Variants in FBH1 observed in about 807,000 individuals in gnomAD.
FBH1 encodes the protein F-box DNA helicase 1.
FBH1 carries 43 observed loss-of-function variants against 115.5 expected under a neutral mutation model. The ratio of observed to expected loss-of-function variants is 0.37; its 90% CI spans 0.29 to 0.48. The LOEUF (loss-of-function observed/expected upper bound fraction) is 0.48. Ranked by LOEUF, FBH1 falls within the 20% of genes least tolerant of loss-of-function variation. The pLI is 0.99. For synonymous variants in FBH1, 524 were observed against 507.8 expected (o/e 1.03, Z -0.43); for missense variants, 1,001 against 1,337.3 (o/e 0.75, Z 3.92).
rs752348124 is a variant in FBH1 at position 5,915,455 on chromosome 10, C to G, written c.1449C>G (p.Ser483Arg). 6.2e-7 allele frequency: 1 copy of G among 1,614,174 alleles called. No homozygotes were observed. Among genetic ancestry groups the G allele is most frequent in the South Asian group, 1.1e-5 (1 of 91,084 alleles). ...AGTATGCAGAGAAGTGGTCTCAGAG[C>G]AGGTTTCTGTATGTGACATTCAACA... ...LVKYAEKWSQ[S>R]RFLYVTFNKS... is the part of the protein sequence containing the mutation. The change falls in exon 9 of 21, where the codon AGC becomes AGG. Residue 483 changes from serine to arginine, a missense_variant. By Grantham distance (110) the Ser-to-Arg change is moderately radical. Coordinates refer to ENST00000362091, the MANE Select transcript of FBH1 (RefSeq NM_178150.3). This position sits in a 1 kb window ranked among gnomAD's most constrained non-coding sequence, Gnocchi z 5.2.
intron 2 of FBH1, among the ~76,000 whole-genome samples, chr10:5,903,908 C>T (rs1423219320): frequency 6.6e-6 from 1 of 152,198 alleles, no homozygotes; most frequent in Non-Finnish European, 1.5e-5. Context: ...AGTAACCTTG[C>T]TCCTTGACTT....
At chr10:5,937,048 TGCTGGAAAA>T in intron 20 of FBH1, 53 bp from the exon 21 acceptor site, 2 of 1,505,552 alleles carry the variant, frequency 1.3e-6, no homozygotes, top group Admixed American at 4.3e-5. Context: ...CCATGCTTTT[TGCTGGAAAA>T]TCCATGTTCT....
At position 5,925,283 on chromosome 10, in the gene FBH1, T is replaced by A. The variant is rs1467661188; in HGVS notation, c.2597-84T>A. On this transcript the variant is annotated intron_variant, in intron 17 of 20. Coordinates refer to ENST00000362091, the MANE Select transcript of FBH1 (RefSeq NM_178150.3). This position sits in a 1 kb window ranked among gnomAD's most constrained non-coding sequence, Gnocchi z 4.6. ...AGGCAAGAAATGTTCGAGTTCAGAGTCAAGTGGGAAACATGTATGTTTTTG... is the reference window on the plus strand; with the variant it reads ...AGGCAAGAAATGTTCGAGTTCAGAGACAAGTGGGAAACATGTATGTTTTTG... The A allele has an allele frequency of 1.3e-6, 2 of 1,537,202 alleles. No homozygotes were observed. Among genetic ancestry groups the A allele is most frequent in the East Asian group, 4.6e-5 (2 of 43,296 alleles).
In FBH1 at chr10:5,918,266, G is replaced by A; in HGVS notation, c.1964-76G>A. ...TGTGCCCTGGCTTAGCTTCGTGGAA[G>A]TGTTTTTGTCCTTTTCTTTTTGCTG... On this transcript the variant is annotated intron_variant, in intron 12 of 20. Coordinates refer to ENST00000362091, the MANE Select transcript of FBH1 (RefSeq NM_178150.3). The surrounding 1 kb of genome is among the most constrained non-coding windows in gnomAD (Gnocchi z 4.0). 6.4e-6 allele frequency: 10 copies of A among 1,565,170 alleles called. No homozygotes were observed. In the South Asian group the frequency reaches 1.2e-4, roughly 18 times the overall value.
At position 5,937,221 on chromosome 10, in the gene FBH1, C is replaced by T. The variant is rs756463517; in HGVS notation, c.3073C>T (p.Arg1025Cys). 1.1e-5 allele frequency: 18 copies of T among 1,613,662 alleles called. No homozygotes were observed. Among genetic ancestry groups the T allele is most frequent in the East Asian group, 2.2e-5 (1 of 44,898 alleles). The change falls in exon 21 of 21, where the codon CGC becomes TGC. Residue 1025 changes from arginine (R) to cysteine (C), a missense_variant. Physicochemically the swap from Arg to Cys is radical, Grantham distance 180 (BLOSUM62 -3). This residue lies in a region of FBH1 where 521 missense variants were observed against 811.0 expected (regional missense o/e 0.64). Coordinates refer to ENST00000362091, the MANE Select transcript of FBH1 (RefSeq NM_178150.3). Reference protein sequence around the residue: ...ASPEQVRAMERTVENIVLPRH... With the variant: ...ASPEQVRAMECTVENIVLPRH... Reference sequence around the variant, plus strand: ...CCCGGAGCAGGTGCGCGCCATGGAGCGCACTGTGGAGAACATCGTACTGCC... The same window carrying T: ...CCCGGAGCAGGTGCGCGCCATGGAGTGCACTGTGGAGAACATCGTACTGCC...
At position 5,924,718 on chromosome 10, in the gene FBH1, C is replaced by G. The variant is rs565753624; in HGVS notation, c.2596+210C>G. 5 of 619,966 alleles carry G rather than the reference C, an allele frequency of 8.1e-6. No individual in the cohort carries two copies. The East Asian group carries it at 1.4e-4, about 17-fold the overall frequency. 38.4% of individuals were successfully genotyped at this position (619,966 alleles called of 1,614,324 possible). A position where few individuals can be genotyped will look rare whatever the true frequency, so the allele number is the denominator to read the frequency against. ...GAGTAGCTGGGACTACAGGCCCCAC[C>G]ACCAGCCCGGCTAGTTTGTGTATTT... On this transcript the variant is annotated intron_variant, in intron 17 of 20. Transcript: ENST00000362091. The surrounding 1 kb of genome is among the most constrained non-coding windows in gnomAD (Gnocchi z 6.2).
In FBH1 at chr10:5,915,375, T is replaced by C. The variant is rs1589085802; in HGVS notation, c.1397-28T>C. 1 of 1,612,166 alleles carries C rather than the reference T, an allele frequency of 6.2e-7. No homozygotes were observed. Among genetic ancestry groups the C allele is most frequent in the Non-Finnish European group, 8.5e-7 (1 of 1,178,908 alleles). ...GGGCATGTCTTGTCTGGTCAGAGGGTCACCTCCTTTCCTCCTGGCTTCCCC... is the reference window on the plus strand; with the variant it reads ...GGGCATGTCTTGTCTGGTCAGAGGGCCACCTCCTTTCCTCCTGGCTTCCCC... On this transcript the variant is annotated intron_variant, in intron 8 of 20. Transcript: ENST00000362091. The surrounding 1 kb of genome is among the most constrained non-coding windows in gnomAD (Gnocchi z 5.2).
chr10:5,902,542 C>T (rs1225655752), intron 1 of FBH1, among the ~76,000 whole-genome samples: 1 of 152,124 alleles, frequency 6.6e-6, no homozygotes, highest in African/African-American at 2.4e-5. Context: ...TCTCAGCTCA[C>T]TGCAACCTCC....
chr10:5,917,406 GCTTTA>G lies in FBH1; in HGVS notation c.1789-10_1789-6del, dbSNP rs1564451732. Reference sequence around the variant, plus strand: ...GGTCTCAAACTCTGGGTTACCATATGCTTTACTTCCTAGAATGGTGTCCTTGAAGC... The same window carrying G: ...GGTCTCAAACTCTGGGTTACCATATGCTTCCTAGAATGGTGTCCTTGAAGC... On this transcript the variant is annotated splice_polypyrimidine_tract_variant and intron_variant, in intron 10 of 20. Transcript: ENST00000362091. The surrounding 1 kb of genome is among the most constrained non-coding windows in gnomAD (Gnocchi z 5.6). The G allele has an allele frequency of 6.2e-7, 1 of 1,612,584 alleles. No individual in the cohort carries two copies. The highest frequency in any genetic ancestry group is 1.3e-5 in the African/African-American group (1 of 75,024).
Position 5,924,242 on chromosome 10 carries a change from C to A in FBH1, c.2399-69C>A. ...CTGCTCTTGCGCAGCTGCTTAGGAA[C>A]GTGCAGCACCTGCCACCATCTGTTA... On this transcript the variant is annotated intron_variant, in intron 16 of 20. Transcript: ENST00000362091. This position sits in a 1 kb window ranked among gnomAD's most constrained non-coding sequence, Gnocchi z 6.2. 6.6e-7 allele frequency: 1 copy of A among 1,510,068 alleles called. No individual in the cohort carries two copies. The highest frequency in any genetic ancestry group is 9.2e-7 in the Non-Finnish European group (1 of 1,092,514). The allele number at this position is 1,510,068 out of a possible 1,614,324, so 93.5% of individuals were successfully genotyped here. A position where few individuals can be genotyped will look rare whatever the true frequency, so the allele number is the denominator to read the frequency against.
intron 6 of FBH1, among the ~76,000 whole-genome samples, chr10:5,912,312 C>G (rs922341064): frequency 6.6e-6 from 1 of 151,004 alleles, no homozygotes; most frequent in Non-Finnish European, 1.5e-5. Context: ...TGCAGTGAGC[C>G]GAGATATGCC....
rs190257264 is a variant in FBH1, at chr10:5,914,336, C to T, written c.1396+67C>T. On this transcript the variant is annotated intron_variant, in intron 8 of 20. Coordinates refer to ENST00000362091, the MANE Select transcript of FBH1 (RefSeq NM_178150.3). The surrounding 1 kb of genome is among the most constrained non-coding windows in gnomAD (Gnocchi z 5.2). ...GCCTTTTCTCCCTACATCCCCTTCC[C>T]GCTACCTGCCAGGGCATCTTTGCTC... The T allele has an allele frequency of 2.2e-5, 29 of 1,299,622 alleles. No individual in the cohort carries two copies. The highest frequency in any genetic ancestry group is 9.2e-5 in the East Asian group (4 of 43,416). 80.5% of individuals were successfully genotyped at this position (1,299,622 alleles called of 1,614,324 possible).
Position 5,895,424 on chromosome 10 carries a change from A to C in FBH1, c.1+5078A>C, listed in dbSNP as rs577317494. Reference sequence around the variant, plus strand: ...CTTATTGTCTTCATCTTGTCCATTTAGGTCTGTAACCTAAAAGTTTTAAAG... The same window carrying C: ...CTTATTGTCTTCATCTTGTCCATTTCGGTCTGTAACCTAAAAGTTTTAAAG... On this transcript the variant is annotated intron_variant, in intron 1 of 20. Transcript: ENST00000362091. The surrounding 1 kb of genome is among the most constrained non-coding windows in gnomAD (Gnocchi z 5.0). Among the ~76,000 whole-genome samples, 1 of 152,120 alleles carries C rather than the reference A, an allele frequency of 6.6e-6. No homozygotes were observed. Among genetic ancestry groups the C allele is most frequent in the East Asian group, 1.9e-4 (1 of 5,182 alleles).
At chr10:5,898,850 A>AG (rs1665845857) in intron 1 of FBH1, among the ~76,000 whole-genome samples, 1 of 152,218 alleles carries the variant, frequency 6.6e-6, no homozygotes, top group African/African-American at 2.4e-5. Context: ...GCAGTGAACC[A>AG]GGTGGGCTAG....
At position 5,903,135 on chromosome 10, in the gene FBH1, T is replaced by C. The variant is rs1387625851; in HGVS notation, c.117T>C (p.His39=). Residue 39 remains histidine (H), a synonymous_variant, in exon 2 of 21, where the codon CAT becomes CAC. Transcript: ENST00000362091. ...GATGGACAAACAGAGATCCGAACCATGGTCTCTATCCTAAACCGAGAACAA... is the reference window on the plus strand; with the variant it reads ...GATGGACAAACAGAGATCCGAACCACGGTCTCTATCCTAAACCGAGAACAA... The part of the protein sequence containing the change: ...GQRWTNRDPN[H]GLYPKPRTKR... 3 of 1,613,690 alleles carry C rather than the reference T, an allele frequency of 1.9e-6. No homozygotes were observed. Among genetic ancestry groups the C allele is most frequent in the Non-Finnish European group, 2.5e-6 (3 of 1,179,898 alleles).
Position 5,931,479 on chromosome 10 carries a change from TTTTAC to T in FBH1, c.2829+3941_2829+3945del, listed in dbSNP as rs953336756. On this transcript the variant is annotated intron_variant, in intron 19 of 20. Transcript: ENST00000362091. The surrounding 1 kb of genome is among the most constrained non-coding windows in gnomAD (Gnocchi z 4.3). The stretch of plus-strand genomic sequence containing the variant: ...TAATTCACATTTAACACGAAAGGAA[TTTTAC>T]TTCTTTTCTCACACTTGAATCTTTT... Among the ~76,000 whole-genome samples, 9 of 152,322 alleles carry T rather than the reference TTTTAC, an allele frequency of 5.9e-5. No homozygotes were observed. Among genetic ancestry groups the T allele is most frequent in the Admixed American group, 4.6e-4 (7 of 15,296 alleles).
At position 5,923,748 on chromosome 10, in the gene FBH1, G is replaced by C. The variant is rs1832452394; in HGVS notation, c.2398+52G>C. On this transcript the variant is annotated intron_variant, in intron 16 of 20. Coordinates refer to ENST00000362091, the MANE Select transcript of FBH1 (RefSeq NM_178150.3). The surrounding 1 kb of genome is among the most constrained non-coding windows in gnomAD (Gnocchi z 5.7). The stretch of plus-strand genomic sequence containing the variant: ...TTGGAAGGACGCACCCAAGTGACAG[G>C]GACGAGAAAGAAGCAGGCCCAGTCT... 1 of 1,529,262 alleles carries C rather than the reference G, an allele frequency of 6.5e-7. No homozygotes were observed. Among genetic ancestry groups the C allele is most frequent in the African/African-American group, 1.4e-5 (1 of 72,874 alleles). 94.7% of individuals were successfully genotyped at this position (1,529,262 alleles called of 1,614,324 possible).
chr10:5,892,175 T>G (rs999685221), intron 1 of FBH1, among the ~76,000 whole-genome samples: 1 of 152,206 alleles, frequency 6.6e-6, no homozygotes, highest in East Asian at 1.9e-4. Flanking sequence ...GCTCATTTCT[T>G]TCGTGCAGAC....
chr10:5,894,310 A>G (rs1217512866), intron 1 of FBH1: 2 of 1,494,796 alleles, frequency 1.3e-6, no homozygotes, highest in African/African-American at 2.8e-5. Context: ...AATACTTCTC[A>G]ATTTCTTTGG....
Sources: allele counts gnomAD v4.1 joint callset (sites outside exome capture counted in the v4.1 genomes callset), GRCh38; gene constraint gnomAD v4.1.1; regional missense constraint gnomAD v4.1.1; non-coding constraint Gnocchi (gnomAD v3.1); transcripts MANE v1.5; gene names NCBI Gene and HGNC (gene_info 2026-07-23, HGNC 2026-07-21).